COL5A2: variants seen among roughly 807,000 people sequenced by gnomAD.
COL5A2 encodes collagen type V alpha 2 chain, also known as collagen alpha-2(V) chain.
Under a neutral mutation model 208.2 loss-of-function variants are expected in COL5A2, and 23 were observed. That is an observed-to-expected ratio of 0.11 (90% CI 0.08 to 0.16). The LOEUF is 0.16. COL5A2 is among the 10% of genes least tolerant of loss of function. The pLI, the probability that COL5A2 is intolerant of heterozygous loss-of-function variation, is 1.00. For synonymous variants in COL5A2, 625 were observed against 628.5 expected (o/e 0.99, Z 0.08); for missense variants, 1,590 against 1,956.4 (o/e 0.81, Z 3.53).
At chr2:189,157,334 A>G (rs2095653469) in intron 1 of COL5A2, among the ~76,000 whole-genome samples, 1 of 152,028 alleles carries the variant, frequency 6.6e-6, no homozygotes, top group South Asian at 2.1e-4. Flanking sequence ...CACGTCTGGA[A>G]GTTTAACCCA....
intron 50 of COL5A2, among the ~76,000 whole-genome samples, chr2:189,039,920 A>T (rs1685523311): frequency 2.0e-5 from 3 of 152,138 alleles, no homozygotes; most frequent in Non-Finnish European, 4.4e-5. Flanking sequence ...TCAAGGTACA[A>T]CCAAAATGTT....
rs1157811904 is a variant in COL5A2 at position 189,051,352 on chromosome 2, C to G, written c.2899G>C (p.Asp967His). ...CCATCTTCTCCTGGGTCCCCTTTGTCTCCTGGGCCACCAGGGGGGCCAGCT... is the reference window on the plus strand; with the variant it reads ...CCATCTTCTCCTGGGTCCCCTTTGTGTCCTGGGCCACCAGGGGGGCCAGCT... Reference protein sequence around the residue: ...GPAGPPGGPGDKGDPGEDGQP... With the variant: ...GPAGPPGGPGHKGDPGEDGQP... The change falls in exon 42 of 54, where the codon GAC (aspartate) becomes CAC (histidine). Residue 967 changes from aspartate (D) to histidine (H), a missense_variant. Asp to His is a moderately conservative substitution (Grantham distance 81). Transcript: ENST00000374866. The G allele has an allele frequency of 2.5e-6, 4 of 1,613,882 alleles. No homozygotes were observed. In the South Asian group the frequency reaches 3.3e-5, roughly 13 times the overall value.
At chr2:189,170,723 C>G (rs998425740) in intron 1 of COL5A2, among the ~76,000 whole-genome samples, 1 of 151,674 alleles carries the variant, frequency 6.6e-6, no homozygotes, top group African/African-American at 2.4e-5. Flanking sequence ...TGCAAGGCAG[C>G]TGGATACTCT....
chr2:189,244,635 A>C, the COL5A2 span, among the ~76,000 whole-genome samples: 6 of 152,230 alleles, frequency 3.9e-5, no homozygotes, highest in Non-Finnish European at 7.3e-5. Flanking sequence ...CATTTTGGTC[A>C]AAGTCATTCA....
At chr2:189,315,852 GA>G in the COL5A2 span, among the ~76,000 whole-genome samples, 2 of 151,884 alleles carry the variant, frequency 1.3e-5, no homozygotes, top group African/African-American at 2.4e-5. Context: ...AGAATAATTG[GA>G]AAAAAGCTCA....
At chr2:189,378,596 T>C in the COL5A2 span, among the ~76,000 whole-genome samples, 9 of 151,928 alleles carry the variant, frequency 5.9e-5, no homozygotes, top group Non-Finnish European at 1.3e-4. Context: ...TGGTGGTGGG[T>C]GCCTGTGGTC....
chr2:189,339,744 T>TG, the COL5A2 span, among the ~76,000 whole-genome samples: 1 of 152,162 alleles, frequency 6.6e-6, no homozygotes, highest in Non-Finnish European at 1.5e-5. Flanking sequence ...GGTGGTCAGT[T>TG]AGGCAATCAC....
chr2:189,093,783 T>A (rs1686841110), intron 6 of COL5A2, among the ~76,000 whole-genome samples: 1 of 152,192 alleles, frequency 6.6e-6, no homozygotes, highest in African/African-American at 2.4e-5. Context: ...AGAGGCTGAT[T>A]TCAATTGTTC....
At chr2:189,142,294 C>G (rs1268258159) in intron 1 of COL5A2, among the ~76,000 whole-genome samples, 1 of 151,900 alleles carries the variant, frequency 6.6e-6, no homozygotes, top group South Asian at 2.1e-4. Context: ...AAAATAAATG[C>G]TTAACATTTA....
In COL5A2 at chr2:189,062,726, A is replaced by T. The variant is rs1576501912; in HGVS notation, c.1977+139T>A. 9 of 885,450 alleles carry T rather than the reference A, an allele frequency of 1.0e-5. 1 individual carries two copies. Among genetic ancestry groups the T allele is most frequent in the South Asian group, 7.1e-5 (5 of 70,172 alleles). 54.8% of individuals were successfully genotyped at this position (885,450 alleles called of 1,614,324 possible). On this transcript the variant is annotated intron_variant, in intron 29 of 53. Transcript: ENST00000374866. ...TCTCACAGAAATCAAAAGAGAAGGT[A>T]TAACAGAAATTCTTCATTCCCATAC...
chr2:189,250,152 G>A, the COL5A2 span, among the ~76,000 whole-genome samples: 3 of 152,180 alleles, frequency 2.0e-5, no homozygotes, highest in Non-Finnish European at 4.4e-5. Context: ...AAGGTGCTAG[G>A]GAAATGAAAC....
the COL5A2 span, among the ~76,000 whole-genome samples, chr2:189,426,533 C>T: frequency 1.3e-5 from 2 of 152,200 alleles, no homozygotes; most frequent in Admixed American, 1.3e-4. Context: ...TGTCTCATGT[C>T]TCCATAAATG....
intron 1 of COL5A2, among the ~76,000 whole-genome samples, chr2:189,161,193 A>C (rs1379679160): frequency 6.6e-6 from 1 of 150,550 alleles, no homozygotes; most frequent in Non-Finnish European, 1.5e-5. Flanking sequence ...CTATACATCT[A>C]TCCTTTATGT....
At position 189,124,184 on chromosome 2, in the gene COL5A2, G is replaced by T. The variant is rs1687563809; in HGVS notation, c.98-13735C>A. On this transcript the variant is annotated intron_variant, in intron 1 of 53. Coordinates refer to ENST00000374866, the MANE Select transcript of COL5A2 (RefSeq NM_000393.5). ...ACAAGAAGCAATTAAAATATACTAA[G>T]ATTGCGAACCCCATTCTTTCTATTC... is the stretch of plus-strand genomic sequence containing the variant. Among the ~76,000 whole-genome samples, 7 of 152,234 alleles carry T rather than the reference G, an allele frequency of 4.6e-5. No homozygotes were observed. The South Asian group carries it at 1.5e-3, about 32-fold the overall frequency.
chr2:189,149,491 T>C (rs1688104087), intron 1 of COL5A2, among the ~76,000 whole-genome samples: 1 of 152,212 alleles, frequency 6.6e-6, no homozygotes, highest in Non-Finnish European at 1.5e-5. Flanking sequence ...GTCTATGATT[T>C]CTTAAATAGT....
At chr2:189,117,993 C>A (rs1488895020) in intron 1 of COL5A2, among the ~76,000 whole-genome samples, 1 of 152,000 alleles carries the variant, frequency 6.6e-6, no homozygotes, top group Non-Finnish European at 1.5e-5. Flanking sequence ...AAAGTCATTT[C>A]ATAATATTCT....
chr2:189,415,761 G>A, the COL5A2 span, among the ~76,000 whole-genome samples: 4 of 152,116 alleles, frequency 2.6e-5, no homozygotes, highest in Middle Eastern at 3.2e-3. Context: ...CCAGGTTCAC[G>A]CCAGTCTCCT....
the COL5A2 span, among the ~76,000 whole-genome samples, chr2:189,294,282 A>G: frequency 6.6e-6 from 1 of 152,144 alleles, no homozygotes; most frequent in South Asian, 2.1e-4. Flanking sequence ...ATAAAATAAA[A>G]TGAAAGCTAT....
chr2:189,179,875 C>T (rs946474889), upstream of COL5A2: 2 of 596,438 alleles, frequency 3.4e-6, no homozygotes, highest in Non-Finnish European at 5.9e-6. Flanking sequence ...TGCCAAGCAA[C>T]GGTCTGATTG....
Sources: allele counts gnomAD v4.1 joint callset (sites outside exome capture counted in the v4.1 genomes callset), GRCh38; gene constraint gnomAD v4.1.1; transcripts MANE v1.5; gene names NCBI Gene and HGNC (gene_info 2026-07-23, HGNC 2026-07-21).